HLF: variants seen among roughly 807,000 people sequenced by gnomAD.
HLF encodes hepatic leukemia factor.
HLF carries 3 observed loss-of-function variants against 22.6 expected under a neutral mutation model. That is an observed-to-expected ratio of 0.13 (90% CI 0.06 to 0.34). The LOEUF is 0.34. HLF is among the 10% of genes least tolerant of loss of function. The pLI, the probability that HLF is intolerant of heterozygous loss-of-function variation, is 1.00. For missense variants in HLF, 299 were observed against 389.2 expected (o/e 0.77, Z 1.95); for synonymous variants, 151 against 151.8 (o/e 0.99, Z 0.04).
chr17:55,279,612 CCAAA>C (rs1310460408), intron 2 of HLF, among the ~76,000 whole-genome samples: 12 of 151,804 alleles, frequency 7.9e-5, no homozygotes, highest in African/African-American at 2.9e-4. Flanking sequence ...AAAAATATTA[CCAAA>C]CAGATTAATT....
At chr17:55,288,208 C>T (rs1208534738) in intron 2 of HLF, among the ~76,000 whole-genome samples, 3 of 151,982 alleles carry the variant, frequency 2.0e-5, no homozygotes, top group African/African-American at 7.3e-5. Context: ...AGTGCAGTGG[C>T]GCAATCTCAG....
chr17:55,271,720 G>T (rs1048782120), intron 2 of HLF: 7 of 151,988 alleles, frequency 4.6e-5, no homozygotes, highest in African/African-American at 1.7e-4. Context: ...AGTAGAGACG[G>T]GGTTTCACCA....
intron 2 of HLF, chr17:55,273,473 T>G (rs577738340): frequency 6.6e-6 from 1 of 152,372 alleles, no homozygotes; most frequent in African/African-American, 2.4e-5. Flanking sequence ...CATGCTTTCA[T>G]GCATTTTTTT....
At chr17:55,316,155 C>T (rs1905056591) in intron 3 of HLF, among the ~76,000 whole-genome samples, 1 of 152,238 alleles carries the variant, frequency 6.6e-6, no homozygotes, top group Non-Finnish European at 1.5e-5. Context: ...ACAATAATGA[C>T]ATCTTAGGAT....
intron 2 of HLF, among the ~76,000 whole-genome samples, chr17:55,291,152 A>G (rs1000612769): frequency 7.2e-5 from 11 of 152,242 alleles, no homozygotes; most frequent in African/African-American, 2.2e-4. Context: ...TGATGTAGAC[A>G]CTGCAGCAAA....
In HLF at chr17:55,320,724, G is replaced by T; in HGVS notation, c.733G>T (p.Ala245Ser). 6.2e-7 allele frequency: 1 copy of T among 1,614,192 alleles called. No homozygotes were observed. Among genetic ancestry groups the T allele is most frequent in the Non-Finnish European group, 8.5e-7 (1 of 1,180,024 alleles). Reference sequence around the variant, plus strand: ...CATGGCAGCCAAGCGCTCCCGCGACGCCCGGAGGCTGAAAGAGAACCAGAT... The same window carrying T: ...CATGGCAGCCAAGCGCTCCCGCGACTCCCGGAGGCTGAAAGAGAACCAGAT... ...NNMAAKRSRD[A>S]RRLKENQIAI... The change falls in exon 4 of 4, where the codon GCC becomes TCC. Residue 245 changes from alanine (A) to serine (S), a missense_variant. Ala to Ser is a moderately conservative substitution (Grantham distance 99, BLOSUM62 1). This residue lies in a region of HLF where 224 missense variants were observed against 298.1 expected (regional missense o/e 0.75). Coordinates refer to ENST00000226067, the MANE Select transcript of HLF (RefSeq NM_002126.5). The surrounding 1 kb of genome is among the most constrained non-coding windows in gnomAD (Gnocchi z 4.2).
chr17:55,271,389 G>A (rs896398418), intron 2 of HLF: 12 of 152,288 alleles, frequency 7.9e-5, no homozygotes, highest in South Asian at 2.1e-4. Context: ...GCTATGCTCC[G>A]TTGTGGTGTT....
chr17:55,314,430 C>T (rs757014403), intron 2 of HLF, among the ~76,000 whole-genome samples: 1 of 152,244 alleles, frequency 6.6e-6, no homozygotes, highest in South Asian at 2.1e-4. Context: ...GTGGCTCATG[C>T]AATCCGTTCA....
intron 3 of HLF, among the ~76,000 whole-genome samples, chr17:55,318,245 T>C (rs917313381): frequency 1.3e-5 from 2 of 152,176 alleles, no homozygotes; most frequent in Admixed American, 1.3e-4. Flanking sequence ...GCAACCCTTC[T>C]GCGATAACAA....
At chr17:55,268,388 A>C (rs2080816903) in intron 2 of HLF, among the ~76,000 whole-genome samples, 1 of 152,240 alleles carries the variant, frequency 6.6e-6, no homozygotes, top group Non-Finnish European at 1.5e-5. Context: ...ATTCTAATGC[A>C]GCTGATCCAA....
intron 2 of HLF, among the ~76,000 whole-genome samples, chr17:55,299,202 CTG>C (rs2081135506): frequency 6.6e-6 from 1 of 152,248 alleles, no homozygotes; most frequent in African/African-American, 2.4e-5. Context: ...CCAGATGACT[CTG>C]TGGAATTAAC....
chr17:55,304,248 T>C (rs1379583678), intron 2 of HLF, among the ~76,000 whole-genome samples: 2 of 152,156 alleles, frequency 1.3e-5, no homozygotes, highest in African/African-American at 4.8e-5. Flanking sequence ...ACAGAGCCAT[T>C]CTTGCCTCAC....
intron 1 of HLF, chr17:55,266,705 G>T (rs1200658044): frequency 2.8e-6 from 1 of 353,472 alleles, no homozygotes; most frequent in Non-Finnish European, 4.0e-6. Flanking sequence ...ATGGTAGAGG[G>T]TTAGAATGGA....
At chr17:55,306,865 CTCTT>C (rs1324952535) in intron 2 of HLF, among the ~76,000 whole-genome samples, 3 of 149,544 alleles carry the variant, frequency 2.0e-5, no homozygotes, top group Non-Finnish European at 4.4e-5. Flanking sequence ...TTCTTAATTC[CTCTT>C]TCTTTCTCTT....
At chr17:55,277,562 G>C (rs2080916738) in intron 2 of HLF, among the ~76,000 whole-genome samples, 2 of 151,894 alleles carry the variant, frequency 1.3e-5, no homozygotes, top group Non-Finnish European at 2.9e-5. Flanking sequence ...TGGGATGTGT[G>C]TGTGTGTGTT....
intron 2 of HLF, among the ~76,000 whole-genome samples, chr17:55,280,855 A>G (rs1235511283): frequency 6.6e-6 from 1 of 152,226 alleles, no homozygotes; most frequent in Non-Finnish European, 1.5e-5. Context: ...CTGAAGTGAA[A>G]TGGAAATACA....
chr17:55,280,282 G>T (rs374485287), intron 2 of HLF, among the ~76,000 whole-genome samples: 27 of 152,372 alleles, frequency 1.8e-4, no homozygotes, highest in Middle Eastern at 3.4e-3. Flanking sequence ...ATCAGGAAGA[G>T]ATACAGCAGG....
At chr17:55,288,065 G>A (rs1160691124) in intron 2 of HLF, among the ~76,000 whole-genome samples, 1 of 152,182 alleles carries the variant, frequency 6.6e-6, no homozygotes, top group Non-Finnish European at 1.5e-5. Context: ...GAGGCGAAGT[G>A]CAGATATACC....
intron 2 of HLF, among the ~76,000 whole-genome samples, chr17:55,303,385 T>C (rs1400697780): frequency 1.3e-5 from 2 of 152,210 alleles, no homozygotes; most frequent in African/African-American, 4.8e-5. Context: ...TTTCCAGGTC[T>C]TAACCTACCA....
Sources: allele counts gnomAD v4.1 joint callset (sites outside exome capture counted in the v4.1 genomes callset), GRCh38; gene constraint gnomAD v4.1.1; regional missense constraint gnomAD v4.1.1; non-coding constraint Gnocchi (gnomAD v3.1); transcripts MANE v1.5; gene names NCBI Gene and HGNC (gene_info 2026-07-23, HGNC 2026-07-21).